Variants in ZNF100 observed in about 807,000 individuals in gnomAD.
The protein encoded by ZNF100 is zinc finger protein 100 (Y1).
Under a neutral mutation model 15.8 loss-of-function variants are expected in ZNF100, and 12 were observed. That is an observed-to-expected ratio of 0.76 (90% CI 0.49 to 1.23). ZNF100 has a LOEUF of 1.23. ZNF100 is among the 50% of genes most tolerant of loss of function. The pLI is 0.00. For missense variants in ZNF100, 670 were observed against 635.6 expected (o/e 1.05, Z -0.58); for synonymous variants, 226 against 214.8 (o/e 1.05, Z -0.45).
chr19:21,745,978 T>C (rs1331651528), intron 2 of ZNF100, among the ~76,000 whole-genome samples: 4 of 152,148 alleles, frequency 2.6e-5, no homozygotes, highest in African/African-American at 4.8e-5. Flanking sequence ...GACAGCTACA[T>C]GCAAAGAAAA....
rs546073799 is a variant in ZNF100 at position 21,729,573 on chromosome 19, A to G, written c.323-1584T>C. Among the ~76,000 whole-genome samples the G allele has an allele frequency of 5.3e-5, 8 of 152,188 alleles. 1 individual carries two copies. In the South Asian group the frequency reaches 1.7e-3, roughly 32 times the overall value. On this transcript the variant is annotated intron_variant, in intron 4 of 4. Transcript: ENST00000358296. ...CCCTAGAACTTAAAGTATAATAATG[A>G]AAGAAAAAATAAAAACAAAACAAAA... is the stretch of plus-strand genomic sequence containing the variant.
intron 4 of ZNF100, among the ~76,000 whole-genome samples, chr19:21,733,617 T>C (rs1202148635): frequency 3.3e-5 from 5 of 152,276 alleles, no homozygotes; most frequent in Non-Finnish European, 5.9e-5. Context: ...TCAGCAGACT[T>C]AGTCTTTCCC....
chr19:21,747,327 T>C (rs911121982), intron 2 of ZNF100, among the ~76,000 whole-genome samples: 8 of 151,788 alleles, frequency 5.3e-5, no homozygotes, highest in Admixed American at 3.9e-4. Flanking sequence ...CCCACAACAA[T>C]AAACAGAAGC....
chr19:21,744,852 A>T, intron 3 of ZNF100, 89 bp downstream of exon 3: 6 of 1,564,858 alleles, frequency 3.8e-6, no homozygotes, highest in Non-Finnish European at 2.6e-6. Flanking sequence ...AAACTCATTT[A>T]TGCAAAGCAT....
At chr19:21,730,079 TTAA>T (rs2035885520) in intron 4 of ZNF100, among the ~76,000 whole-genome samples, 1 of 151,744 alleles carries the variant, frequency 6.6e-6, no homozygotes, top group African/African-American at 2.4e-5. Context: ...AATAAAACAA[TTAA>T]TAAAATAACA....
At chr19:21,733,775 A>C (rs2035963077) in intron 4 of ZNF100, among the ~76,000 whole-genome samples, 1 of 152,172 alleles carries the variant, frequency 6.6e-6, no homozygotes, top group African/African-American at 2.4e-5. Context: ...CCCCACCAAC[A>C]GGCATTGTAA....
intron 2 of ZNF100, among the ~76,000 whole-genome samples, chr19:21,753,896 T>C (rs762888615): frequency 2.2e-4 from 33 of 152,168 alleles, no homozygotes; most frequent in Non-Finnish European, 4.3e-4. Context: ...AGGTGTCCCA[T>C]TAAGTCCTGC....
At chr19:21,760,674 A>G (rs1269488598) in intron 2 of ZNF100, among the ~76,000 whole-genome samples, 2 of 151,896 alleles carry the variant, frequency 1.3e-5, no homozygotes, top group Non-Finnish European at 2.9e-5. Flanking sequence ...GTCCACTATA[A>G]GACAATGATA....
intron 2 of ZNF100, chr19:21,751,853 G>C (rs539105641): frequency 5.2e-6 from 4 of 772,666 alleles, no homozygotes; most frequent in Non-Finnish European, 8.7e-6. Context: ...TGGAGCAGCT[G>C]TAAGAAGGTC....
intron 4 of ZNF100, among the ~76,000 whole-genome samples, chr19:21,736,876 C>T (rs1374134414): frequency 6.6e-6 from 1 of 152,126 alleles, no homozygotes; most frequent in African/African-American, 2.4e-5. Flanking sequence ...ACCAGAATCT[C>T]TGGAATGCAG....
chr19:21,767,139 C>T (rs113106400), intron 1 of ZNF100, among the ~76,000 whole-genome samples: 11,966 of 152,264 alleles, frequency 0.079, 545 homozygotes, highest in Middle Eastern at 0.15. Flanking sequence ...ACGACCCTCC[C>T]GTGGTCCCTG....
intron 2 of ZNF100, among the ~76,000 whole-genome samples, chr19:21,764,037 C>A (rs138064394): frequency 6.6e-6 from 1 of 152,248 alleles, no homozygotes; most frequent in African/African-American, 2.4e-5. Context: ...CTGCATCTGC[C>A]TGTGAGCCCC....
intron 4 of ZNF100, among the ~76,000 whole-genome samples, chr19:21,738,418 A>G (rs1466963118): frequency 1.3e-5 from 2 of 152,044 alleles, no homozygotes; most frequent in Non-Finnish European, 2.9e-5. Flanking sequence ...AAACTATACT[A>G]CAAGGCTGTA....
In ZNF100 at chr19:21,722,935, GAAC is replaced by G. The variant is rs1407373481; in HGVS notation, c.*3745_*3747del. ...AGAATCTAATTTTTTTTTTAACAAAGAACAACTATTCTGATTTAATCTTCTCAC... is the reference window on the plus strand; with the variant it reads ...AGAATCTAATTTTTTTTTTAACAAAGAACTATTCTGATTTAATCTTCTCAC... On this transcript the variant is annotated 3_prime_UTR_variant, in exon 5 of 5. Coordinates refer to ENST00000358296, the MANE Select transcript of ZNF100 (RefSeq NM_173531.4). 1.3e-5 allele frequency: 2 copies of G among 151,006 alleles called. No individual in the cohort carries two copies. Among genetic ancestry groups the G allele is most frequent in the South Asian group, 2.1e-4 (1 of 4,790 alleles). The allele number at this position is 151,006 out of a possible 1,614,324, so 9.4% of individuals were successfully genotyped here. A position where few individuals can be genotyped will look rare whatever the true frequency, so the allele number is the denominator to read the frequency against.
intron 2 of ZNF100, among the ~76,000 whole-genome samples, chr19:21,758,217 G>C (rs934611163): frequency 6.6e-6 from 1 of 151,974 alleles, no homozygotes; most frequent in Non-Finnish European, 1.5e-5. Flanking sequence ...GTTATCATTT[G>C]TAAGAGCTAA....
intron 4 of ZNF100, among the ~76,000 whole-genome samples, chr19:21,733,629 C>G (rs8106743): frequency 0.13 from 19,924 of 150,196 alleles, 32 homozygotes; most frequent in Non-Finnish European, 0.17. Flanking sequence ...GTCTTTCCCC[C>G]TGCTGGCTGA....
chr19:21,728,832 AAAAT>A (rs1424176209), intron 4 of ZNF100, among the ~76,000 whole-genome samples: 2 of 152,026 alleles, frequency 1.3e-5, no homozygotes, highest in Non-Finnish European at 2.9e-5. Flanking sequence ...TTAAAAATTG[AAAAT>A]AAATTGAATA....
chr19:21,765,826 C>T (rs751560585), intron 1 of ZNF100, 40 bp from the exon 2 acceptor site: 24 of 1,571,230 alleles, frequency 1.5e-5, no homozygotes, highest in East Asian at 4.5e-5. Flanking sequence ...ATTCACTAGG[C>T]ACTTTAGCTG....
chr19:21,736,716 A>T (rs1317061583), intron 4 of ZNF100, among the ~76,000 whole-genome samples: 1 of 152,222 alleles, frequency 6.6e-6, no homozygotes, highest in African/African-American at 2.4e-5. Flanking sequence ...AGTGCAATCA[A>T]ATTAGAACTC....
Sources: allele counts gnomAD v4.1 joint callset (sites outside exome capture counted in the v4.1 genomes callset), GRCh38; gene constraint gnomAD v4.1.1; transcripts MANE v1.5; gene names NCBI Gene and HGNC (gene_info 2026-07-23, HGNC 2026-07-21).